CA8: variants seen among roughly 807,000 people sequenced by gnomAD.
The protein encoded by CA8 is carbonic anhydrase 8 (inactive).
CA8 carries 22 observed loss-of-function variants against 41.4 expected under a neutral mutation model. The ratio of observed to expected loss-of-function variants is 0.53; its 90% confidence interval spans 0.38 to 0.76. The LOEUF is 0.76. CA8 is among the 30% of genes least tolerant of loss of function. The probability of loss-of-function intolerance (pLI) is 0.00; values close to 1 mark genes in which losing one functional copy is unlikely to be tolerated. For missense variants in CA8, 270 were observed against 352.8 expected (o/e 0.77, Z 1.88); for synonymous variants, 121 against 130.6 (o/e 0.93, Z 0.50).
chr8:60,233,008 C>G (rs1807712542), intron 3 of CA8, among the ~76,000 whole-genome samples: 1 of 152,218 alleles, frequency 6.6e-6, no homozygotes, highest in Admixed American at 6.5e-5. Flanking sequence ...AGAGGCCTCC[C>G]TCACTCCTAG....
At chr8:60,268,947 G>C (rs1803984040) in intron 2 of CA8, among the ~76,000 whole-genome samples, 1 of 152,164 alleles carries the variant, frequency 6.6e-6, no homozygotes, top group Non-Finnish European at 1.5e-5. Context: ...GGTTCTCCAG[G>C]GAGAGGTGAC....
Position 60,278,392 on chromosome 8 carries a change from G to A in CA8, c.292+1297C>T, listed in dbSNP as rs772753171. ...TTGATCATGGCACCTGACATGAAAT[G>A]TATTTTTGTTTTGTGGATATATAAA... On this transcript the variant is annotated intron_variant, in intron 2 of 8. Transcript: ENST00000317995. Among the ~76,000 whole-genome samples, 11 of 152,188 alleles carry A rather than the reference G, an allele frequency of 7.2e-5. No homozygotes were observed. The East Asian group carries it at 2.1e-3, about 29-fold the overall frequency.
At chr8:60,235,977 C>A (rs890540954) in intron 3 of CA8, among the ~76,000 whole-genome samples, 1 of 152,130 alleles carries the variant, frequency 6.6e-6, no homozygotes, top group Non-Finnish European at 1.5e-5. Context: ...TAGGAGGATA[C>A]CACAAAAGTC....
At chr8:60,256,461 C>T (rs535741340) in intron 3 of CA8, among the ~76,000 whole-genome samples, 13 of 152,190 alleles carry the variant, frequency 8.5e-5, no homozygotes, top group South Asian at 8.3e-4. Context: ...GCTTCTGTCA[C>T]GAATTTTTGG....
chr8:60,257,198 G>A (rs1585913347), intron 3 of CA8, among the ~76,000 whole-genome samples: 1 of 152,164 alleles, frequency 6.6e-6, no homozygotes, highest in Admixed American at 6.5e-5. Context: ...GGCTGCTCTC[G>A]AACTCCTAAC....
chr8:60,254,496 G>A (rs1042769019), intron 3 of CA8, among the ~76,000 whole-genome samples: 2 of 152,164 alleles, frequency 1.3e-5, no homozygotes, highest in African/African-American at 4.8e-5. Flanking sequence ...CCACGTCAGC[G>A]CTGGTAAGTT....
At chr8:60,221,296 A>G (rs187858611) in intron 7 of CA8, among the ~76,000 whole-genome samples, 187 of 152,286 alleles carry the variant, frequency 1.2e-3, no homozygotes, top group African/African-American at 4.2e-3. Flanking sequence ...TATCATGTTA[A>G]TTATTTAGTC....
At chr8:60,235,181 G>A (rs1410426728) in intron 3 of CA8, among the ~76,000 whole-genome samples, 1 of 152,196 alleles carries the variant, frequency 6.6e-6, no homozygotes, top group Non-Finnish European at 1.5e-5. Flanking sequence ...TTTCTGGAGG[G>A]TGGAAGTCTG....
intron 6 of CA8, among the ~76,000 whole-genome samples, chr8:60,224,168 A>C (rs919313737): frequency 2.6e-5 from 4 of 151,988 alleles, no homozygotes; most frequent in African/African-American, 9.7e-5. Context: ...TGCAACCTCC[A>C]CCTCCTGGGT....
intron 3 of CA8, among the ~76,000 whole-genome samples, chr8:60,252,763 C>T (rs1288918962): frequency 6.6e-6 from 1 of 152,044 alleles, no homozygotes; most frequent in Non-Finnish European, 1.5e-5. Context: ...TTGGGAGCTT[C>T]TAGAGTTCAG....
chr8:60,221,308 T>A (rs1585868568), intron 7 of CA8, among the ~76,000 whole-genome samples: 1 of 152,254 alleles, frequency 6.6e-6, no homozygotes, highest in African/African-American at 2.4e-5. Context: ...TATTTAGTCA[T>A]CTGCCTCCCC....
At chr8:60,227,482 T>C (rs1216026815) in intron 4 of CA8, among the ~76,000 whole-genome samples, 2 of 152,214 alleles carry the variant, frequency 1.3e-5, no homozygotes, top group East Asian at 1.9e-4. Flanking sequence ...CTTTACTGTG[T>C]ATAGGAATCA....
At chr8:60,209,130 A>T (rs1421057052) in intron 7 of CA8, among the ~76,000 whole-genome samples, 2 of 152,242 alleles carry the variant, frequency 1.3e-5, no homozygotes, top group African/African-American at 4.8e-5. Context: ...CAACAGAAGT[A>T]GACATATCAA....
intron 3 of CA8, among the ~76,000 whole-genome samples, chr8:60,248,579 T>C (rs1197576620): frequency 6.6e-6 from 1 of 152,208 alleles, no homozygotes; most frequent in African/African-American, 2.4e-5. Flanking sequence ...TGGTGTTATT[T>C]CTGAGATCTC....
At chr8:60,251,267 G>C (rs1267239800) in intron 3 of CA8, among the ~76,000 whole-genome samples, 8 of 152,166 alleles carry the variant, frequency 5.3e-5, no homozygotes, top group Non-Finnish European at 1.2e-4. Context: ...GGACGTCTCT[G>C]TCCTCTTTAC....
intron 8 of CA8, among the ~76,000 whole-genome samples, chr8:60,191,366 T>G (rs890308796): frequency 2.5e-4 from 38 of 152,048 alleles, no homozygotes; most frequent in Admixed American, 1.3e-4. Flanking sequence ...TCAGAGTTAA[T>G]GGGGCCTAAA....
intron 8 of CA8, among the ~76,000 whole-genome samples, chr8:60,201,829 C>T (rs1401034860): frequency 6.6e-6 from 1 of 152,154 alleles, no homozygotes; most frequent in African/African-American, 2.4e-5. Flanking sequence ...TATTTCCTAA[C>T]CTAGAAGTTT....
In CA8 at chr8:60,243,633, G is replaced by C. The variant is rs180894634; in HGVS notation, c.418-11254C>G. On this transcript the variant is annotated intron_variant, in intron 3 of 8. Transcript: ENST00000317995. Reference sequence around the variant, plus strand: ...CGGCCATACCACCCTGAACGCGCCCGATCTCGTCTGAAACTTCTCACCATG... The same window carrying C: ...CGGCCATACCACCCTGAACGCGCCCCATCTCGTCTGAAACTTCTCACCATG... Among the ~76,000 whole-genome samples the C allele has an allele frequency of 2.8e-3, 420 of 152,088 alleles. 1 individual carries two copies. The highest frequency in any genetic ancestry group is 3.5e-3 in the Non-Finnish European group (240 of 67,988).
intron 4 of CA8, among the ~76,000 whole-genome samples, chr8:60,229,646 G>A (rs370164759): frequency 6.6e-6 from 1 of 152,222 alleles, no homozygotes; most frequent in African/African-American, 2.4e-5. Context: ...GACACTGCTG[G>A]TACGTGCTCT....
Sources: gnomAD v4.1 joint callset for allele counts (sites outside exome capture counted in the v4.1 genomes callset) on GRCh38, gnomAD v4.1.1 for gene constraint, MANE v1.5 for transcripts, NCBI Gene and HGNC (gene_info 2026-07-23, HGNC 2026-07-21) for gene names.